Variants in RFX1 observed in about 807,000 individuals in gnomAD.
The protein encoded by RFX1 is regulatory factor X1.
A neutral mutation model predicts 119.6 loss-of-function variants in RFX1; 42 were observed. The observed-to-expected ratio is 0.35, with a 90% CI of 0.27 to 0.45. The LOEUF (loss-of-function observed/expected upper bound fraction) is 0.45, where lower values mean the gene tolerates loss of function less well. RFX1 is among the 20% of genes least tolerant of loss of function. RFX1 has a pLI of 1.00. For missense variants in RFX1, 1,118 were observed against 1,368.1 expected (o/e 0.82, Z 2.88); for synonymous variants, 628 against 618.5 (o/e 1.02, Z -0.23).
intron 20 of RFX1, 59 bp downstream of exon 20, chr19:13,962,935 C>T: frequency 6.5e-7 from 1 of 1,546,968 alleles, no homozygotes; most frequent in African/African-American, 1.4e-5. Context: ...CCTCCCGAGC[C>T]CCTCCGTTGT....
At chr19:13,974,357 G>A (rs1330521276) in intron 8 of RFX1, among the ~76,000 whole-genome samples, 7 of 152,166 alleles carry the variant, frequency 4.6e-5, no homozygotes, top group Non-Finnish European at 8.8e-5. Context: ...CAGATATCGC[G>A]TGACGGGATG....
chr19:13,971,962 T>C (rs1974095506), intron 9 of RFX1, among the ~76,000 whole-genome samples: 1 of 152,120 alleles, frequency 6.6e-6, no homozygotes, highest in Admixed American at 6.5e-5. Flanking sequence ...GCCGAGATCA[T>C]GCCACTGCAC....
chr19:14,006,370 A>T (rs1975382672), upstream of RFX1: 1 of 152,194 alleles, frequency 6.6e-6, no homozygotes, highest in Non-Finnish European at 1.5e-5. Flanking sequence ...GCCCGGGGTG[A>T]TTGGCGGCGG....
chr19:13,970,257 G>T lies in RFX1; in HGVS notation c.1315-82C>A. 3.1e-6 allele frequency: 4 copies of T among 1,273,164 alleles called. No homozygotes were observed. The South Asian group carries it at 4.4e-5, about 14-fold the overall frequency. The allele number at this position is 1,273,164 out of a possible 1,614,324, so 78.9% of individuals were successfully genotyped here. ...GTGCTGGGGCTGAGTGCCCCACATCGACTTCCAGCTGGGATCCTGACAGCC... is the reference window on the plus strand; with the variant it reads ...GTGCTGGGGCTGAGTGCCCCACATCTACTTCCAGCTGGGATCCTGACAGCC... On this transcript the variant is annotated intron_variant, in intron 9 of 20. Transcript: ENST00000254325.
chr19:13,988,716 TAGTGTTA>T (rs1450135797), intron 2 of RFX1, among the ~76,000 whole-genome samples: 2 of 152,024 alleles, frequency 1.3e-5, no homozygotes, highest in Non-Finnish European at 2.9e-5. Context: ...TAACTTCAAG[TAGTGTTA>T]AGTGTTAAGA....
rs377235724 is a variant in RFX1 at position 13,980,532 on chromosome 19, G to A, written c.738+41C>T. ...GGGGGGCTGCAGAGGCTGCCTGGCC[G>A]GTACCCCTGGACCGAGCCACTGCCC... On this transcript the variant is annotated intron_variant, in intron 6 of 20. Transcript: ENST00000254325. This position sits in a 1 kb window ranked among gnomAD's most constrained non-coding sequence, Gnocchi z 5.1. The A allele has an allele frequency of 2.4e-4, 314 of 1,318,764 alleles. 1 individual carries two copies. Among genetic ancestry groups the A allele is most frequent in the Admixed American group, 7.2e-4 (36 of 50,194 alleles). 81.7% of individuals were successfully genotyped at this position (1,318,764 alleles called of 1,614,324 possible).
chr19:13,963,320 C>A (rs1370719968), intron 18 of RFX1, 45 bp from the exon 19 acceptor site: 2 of 1,567,712 alleles, frequency 1.3e-6, no homozygotes, highest in East Asian at 4.7e-5. Flanking sequence ...CCGTCCGGCC[C>A]GACCCCCTCT....
In RFX1 at chr19:13,962,562, C is replaced by G. The variant is rs1599467791; in HGVS notation, c.*133G>C. 2 of 724,640 alleles carry G rather than the reference C, an allele frequency of 2.8e-6. No homozygotes were observed. The highest frequency in any genetic ancestry group is 4.3e-6 in the Non-Finnish European group (2 of 466,626). The allele number at this position is 724,640 out of a possible 1,614,324, so 44.9% of individuals were successfully genotyped here. On this transcript the variant is annotated 3_prime_UTR_variant, in exon 21 of 21. Coordinates refer to ENST00000254325, the MANE Select transcript of RFX1 (RefSeq NM_002918.5). ...CCGGCCCCATAAGGGAGGAGGGCCCCGGTCTTCCCTGTCTCGGAGTCCCCC... is the reference window on the plus strand; with the variant it reads ...CCGGCCCCATAAGGGAGGAGGGCCCGGGTCTTCCCTGTCTCGGAGTCCCCC...
At position 13,983,553 on chromosome 19, in the gene RFX1, G is replaced by A. The variant is rs753999610; in HGVS notation, c.362C>T (p.Pro121Leu). The change falls in exon 3 of 21, where the codon CCC becomes CTC. Residue 121 changes from proline (P) to leucine (L), a missense_variant. Around this residue, in one of 5 missense-constraint regions of RFX1, gnomAD observed 542 missense variants for 602.7 expected, o/e 0.90. Transcript: ENST00000254325. ...GCCGGTCTGGCTGGCGGTGGAGCCGGGGCTGGCCTCCGACACTGTCTCGCT... is the reference window on the plus strand; with the variant it reads ...GCCGGTCTGGCTGGCGGTGGAGCCGAGGCTGGCCTCCGACACTGTCTCGCT... ...RASETVSEASPGSTASQTGVP... is the reference protein window; with the variant it reads ...RASETVSEASLGSTASQTGVP... 1.2e-6 allele frequency: 2 copies of A among 1,611,048 alleles called. No homozygotes were observed. Among genetic ancestry groups the A allele is most frequent in the South Asian group, 1.1e-5 (1 of 90,880 alleles).
At position 13,985,233 on chromosome 19, in the gene RFX1, A is replaced by C. The variant is rs754992785; in HGVS notation, c.320-1638T>G. ...CTCACAGTTGCCCAGGCTGGAGTGC[A>C]GTGGCGCAATCTCTGCTCACTGAAA... is the stretch of plus-strand genomic sequence containing the variant. On this transcript the variant is annotated intron_variant, in intron 2 of 20. Transcript: ENST00000254325. The surrounding 1 kb of genome is among the most constrained non-coding windows in gnomAD (Gnocchi z 4.3). Among the ~76,000 whole-genome samples, 35 of 149,892 alleles carry C rather than the reference A, an allele frequency of 2.3e-4. No homozygotes were observed. The highest frequency in any genetic ancestry group is 3.8e-4 in the Non-Finnish European group (26 of 67,682).
At chr19:13,964,783 A>G (rs1379652099) in intron 16 of RFX1, among the ~76,000 whole-genome samples, 1 of 152,070 alleles carries the variant, frequency 6.6e-6, no homozygotes, top group African/African-American at 2.4e-5. Context: ...GCCCGGCCTC[A>G]TTTTCTTTCG....
At chr19:13,983,641 C>T (rs1278129781) in intron 2 of RFX1, 46 bp from the exon 3 acceptor site, 4 of 1,488,398 alleles carry the variant, frequency 2.7e-6, no homozygotes, top group Non-Finnish European at 3.6e-6. Flanking sequence ...TTTCCCTGCC[C>T]CCAGCCTAAG....
Position 13,968,792 on chromosome 19 carries a change from G to C in RFX1, c.1599C>G (p.Pro533=), listed in dbSNP as rs768110822. 30 of 1,586,202 alleles carry C rather than the reference G, an allele frequency of 1.9e-5. No individual in the cohort carries two copies. Among genetic ancestry groups the C allele is most frequent in the Non-Finnish European group, 2.6e-5 (30 of 1,166,410 alleles). The stretch of plus-strand genomic sequence containing the variant: ...CTTCCTACCTCTGCTTCTGCGAGAA[G>C]GGCTGGCCCCGCATGGCCATGTGCT... ...DQQHMAMRGQ[P]FSQKQRLKPI... Residue 533 remains proline, a synonymous_variant, in exon 11 of 21, where the codon CCC becomes CCG. Transcript: ENST00000254325. This position sits in a 1 kb window ranked among gnomAD's most constrained non-coding sequence, Gnocchi z 5.5.
At chr19:13,979,232 G>C (rs1459944993) in intron 7 of RFX1, among the ~76,000 whole-genome samples, 3 of 152,326 alleles carry the variant, frequency 2.0e-5, no homozygotes, top group Admixed American at 2.0e-4. Context: ...AACTGACCCA[G>C]GGCCACGCAA....
At chr19:13,976,814 G>A (rs1223778365) in intron 8 of RFX1, among the ~76,000 whole-genome samples, 1 of 151,744 alleles carries the variant, frequency 6.6e-6, no homozygotes, top group Non-Finnish European at 1.5e-5. Flanking sequence ...GATGAGCCTG[G>A]GCAACGTGGC....
intron 1 of RFX1, among the ~76,000 whole-genome samples, chr19:13,998,756 C>T (rs913695346): frequency 3.3e-5 from 5 of 152,286 alleles, no homozygotes; most frequent in African/African-American, 7.2e-5. Flanking sequence ...TTAGATGATT[C>T]TGAGGCAGAC....
chr19:13,977,376 A>C (rs573128137), intron 8 of RFX1, among the ~76,000 whole-genome samples: 1 of 152,054 alleles, frequency 6.6e-6, no homozygotes, highest in Non-Finnish European at 1.5e-5. Context: ...AGAAACAAAG[A>C]AACAGGTCAC....
intron 1 of RFX1, among the ~76,000 whole-genome samples, chr19:14,005,038 G>C (rs960755337): frequency 6.6e-6 from 1 of 152,182 alleles, no homozygotes; most frequent in Non-Finnish European, 1.5e-5. Flanking sequence ...CTGGCCAAGA[G>C]AAGCGGGTTT....
Position 13,993,882 on chromosome 19 carries a change from T to G in RFX1, c.-39A>C, listed in dbSNP as rs776074062. On this transcript the variant is annotated 5_prime_UTR_variant, in exon 2 of 21. Coordinates refer to ENST00000254325, the MANE Select transcript of RFX1 (RefSeq NM_002918.5). ...AAAATGATAATAAATAAGGCTTTTTTTTTTTTTTAATTCCTTGGGAAGAAA... is the reference window on the plus strand; with the variant it reads ...AAAATGATAATAAATAAGGCTTTTTGTTTTTTTTAATTCCTTGGGAAGAAA... The G allele has an allele frequency of 5.5e-6, 8 of 1,462,544 alleles. No individual in the cohort carries two copies. The highest frequency in any genetic ancestry group is 7.3e-6 in the Non-Finnish European group (8 of 1,094,290). 90.6% of individuals were successfully genotyped at this position (1,462,544 alleles called of 1,614,324 possible).
Sources: allele counts gnomAD v4.1 joint callset (sites outside exome capture counted in the v4.1 genomes callset), GRCh38; gene constraint gnomAD v4.1.1; regional missense constraint gnomAD v4.1.1; non-coding constraint Gnocchi (gnomAD v3.1); transcripts MANE v1.5; gene names NCBI Gene and HGNC (gene_info 2026-07-23, HGNC 2026-07-21).